MMP17: variants seen among roughly 807,000 people sequenced by gnomAD.
MMP17 encodes matrix metalloproteinase-17.
A neutral mutation model predicts 49.1 loss-of-function variants in MMP17; 54 were observed. That is an observed-to-expected ratio of 1.10 (90% CI 0.88 to 1.38). MMP17 has a LOEUF of 1.38. MMP17 is among the 40% of genes most tolerant of loss of function. The pLI is 0.00. For synonymous variants in MMP17, 397 were observed against 383.1 expected (o/e 1.04, Z -0.42); for missense variants, 837 against 853.7 (o/e 0.98, Z 0.24).
At chr12:131,845,811 T>C (rs1887676973) in intron 8 of MMP17, among the ~76,000 whole-genome samples, 1 of 152,014 alleles carries the variant, frequency 6.6e-6, no homozygotes, top group African/African-American at 2.4e-5. Flanking sequence ...AAGCAGAAAC[T>C]AGGGAACAGT....
At chr12:131,836,482 T>C (rs1887090529) in intron 1 of MMP17, among the ~76,000 whole-genome samples, 2 of 151,812 alleles carry the variant, frequency 1.3e-5, no homozygotes, top group Non-Finnish European at 2.9e-5. Context: ...TTTCCTTTTT[T>C]TTTTTTTTAG....
At chr12:131,832,540 C>T (rs991234029) in intron 1 of MMP17, among the ~76,000 whole-genome samples, 13 of 152,126 alleles carry the variant, frequency 8.5e-5, no homozygotes, top group African/African-American at 2.7e-4. Flanking sequence ...TGGCTGTGGA[C>T]GCAGGGCAGG....
rs540171749 is a variant in MMP17, at chr12:131,843,051, A to G, written c.884-946A>G. ...CACTCTGTCACCCAGGCTGGAGCGC[A>G]GTGGCGCGATCTCGGCTCGCTGCGA... On this transcript the variant is annotated intron_variant, in intron 5 of 9. Transcript: ENST00000360564. Among the ~76,000 whole-genome samples, 260 of 151,978 alleles carry G rather than the reference A, an allele frequency of 1.7e-3. No homozygotes were observed. In the Middle Eastern group the frequency reaches 0.027, roughly 16 times the overall value.
chr12:131,835,525 C>T (rs1887040701), intron 1 of MMP17, among the ~76,000 whole-genome samples: 1 of 152,234 alleles, frequency 6.6e-6, no homozygotes, highest in African/African-American at 2.4e-5. Flanking sequence ...CCCCAAACCG[C>T]CACCGTGAAC....
chr12:131,844,011 G>C lies in MMP17; in HGVS notation c.898G>C (p.Val300Leu). ...VWQLYGVRES[V>L]SPTAQPEEPP... ...GTCTCCCGCAGGTGTGCGGGAGTCT[G>C]TGTCTCCCACGGCGCAGCCCGAGGA... Residue 300 changes from valine (V) to leucine (L), a missense_variant, in exon 6 of 10, where the codon GTG becomes CTG. By Grantham distance (32) the Val-to-Leu change is conservative. Transcript: ENST00000360564. 1.3e-6 allele frequency: 2 copies of C among 1,563,962 alleles called. No homozygotes were observed. The highest frequency in any genetic ancestry group is 1.7e-6 in the Non-Finnish European group (2 of 1,156,156).
chr12:131,851,196 G>T lies in MMP17; in HGVS notation c.1734G>T (p.Val578=). 1 of 1,462,428 alleles carries T rather than the reference G, an allele frequency of 6.8e-7. No individual in the cohort carries two copies. Among genetic ancestry groups the T allele is most frequent in the Non-Finnish European group, 9.0e-7 (1 of 1,105,054 alleles). 90.6% of individuals were successfully genotyped at this position (1,462,428 alleles called of 1,614,324 possible). The change falls in exon 10 of 10, where the codon GTG becomes GTT. Residue 578 remains valine (V), a synonymous_variant. Coordinates refer to ENST00000360564, the MANE Select transcript of MMP17 (RefSeq NM_016155.7). ...CCCCGGGGGCCCCAGGCCCACTGGTGGCTGCCACCATGCTGCTGCTGCTGC... is the reference window on the plus strand; with the variant it reads ...CCCCGGGGGCCCCAGGCCCACTGGTTGCTGCCACCATGCTGCTGCTGCTGC... ...SSPPGAPGPL[V]AATMLLLLPP...
intron 1 of MMP17, among the ~76,000 whole-genome samples, chr12:131,834,864 T>G (rs1001882905): frequency 6.6e-6 from 1 of 152,152 alleles, no homozygotes; most frequent in African/African-American, 2.4e-5. Flanking sequence ...CCTGGTGAGC[T>G]GCCTGCCGCC....
chr12:131,829,772 G>C (rs1464558400), intron 1 of MMP17, among the ~76,000 whole-genome samples: 1 of 152,262 alleles, frequency 6.6e-6, no homozygotes, highest in Non-Finnish European at 1.5e-5. Flanking sequence ...CGCAGCCCCT[G>C]TGGTTGGCAG....
At position 131,849,827 on chromosome 12, in the gene MMP17, C is replaced by T; in HGVS notation, c.1230C>T (p.Asp410=). ...FKGDRYWVFK[D]NNVEEGYPRP... ...GAGACAGGTACTGGGTGTTCAAGGA[C>T]AATAACGTAGAGGAAGGATACCCGC... is the stretch of plus-strand genomic sequence containing the variant. The change falls in exon 9 of 10, where the codon GAC becomes GAT. Residue 410 remains aspartate, a synonymous_variant. Transcript: ENST00000360564. 1 of 1,613,794 alleles carries T rather than the reference C, an allele frequency of 6.2e-7. No individual in the cohort carries two copies.
At chr12:131,831,769 G>C (rs543625863) in intron 1 of MMP17, among the ~76,000 whole-genome samples, 1 of 135,280 alleles carries the variant, frequency 7.4e-6, no homozygotes, top group Non-Finnish European at 1.6e-5. Flanking sequence ...GCTGCCGTGC[G>C]ATCAGCGGAG....
At chr12:131,831,193 C>A (rs899911592) in intron 1 of MMP17, among the ~76,000 whole-genome samples, 1 of 152,236 alleles carries the variant, frequency 6.6e-6, no homozygotes, top group Non-Finnish European at 1.5e-5. Flanking sequence ...GAGAGTGTCT[C>A]GGGATCTGGG....
chr12:131,841,658 C>G lies in MMP17; in HGVS notation c.741C>G (p.Val247=). The G allele has an allele frequency of 1.9e-6, 3 of 1,614,092 alleles. 1 individual carries two copies. The highest frequency in any genetic ancestry group is 2.2e-5 in the East Asian group (1 of 44,878). The change falls in exon 5 of 10, where the codon GTC becomes GTG. Residue 247 remains valine (V), a synonymous_variant. Coordinates refer to ENST00000360564, the MANE Select transcript of MMP17 (RefSeq NM_016155.7). ...AHGMDLFAVA[V]HEFGHAIGLS... ...GGATGGACCTGTTTGCAGTGGCTGT[C>G]CACGAGTTTGGCCACGCCATTGGGT... is the stretch of plus-strand genomic sequence containing the variant.
Position 131,840,655 on chromosome 12 carries a change from G to A in MMP17, c.505G>A (p.Asp169Asn), listed in dbSNP as rs373637104. Reference protein sequence around the residue: ...LMYYALKVWSDIAPLNFHEVA... With the variant: ...LMYYALKVWSNIAPLNFHEVA... ...GTACTACGCCCTCAAGGTCTGGAGC[G>A]ACATTGCGCCCCTGAACTTCCACGA... The change falls in exon 4 of 10, where the codon GAC becomes AAC. Residue 169 changes from aspartate (D) to asparagine (N), a missense_variant. Asp to Asn is a conservative substitution (Grantham distance 23). Transcript: ENST00000360564. 55 of 1,608,786 alleles carry A rather than the reference G, an allele frequency of 3.4e-5. No homozygotes were observed. The highest frequency in any genetic ancestry group is 1.6e-4 in the Middle Eastern group (1 of 6,084).
At chr12:131,847,622 C>T (rs987216979) in intron 8 of MMP17, among the ~76,000 whole-genome samples, 1 of 152,228 alleles carries the variant, frequency 6.6e-6, no homozygotes, top group Non-Finnish European at 1.5e-5. Context: ...AGGCCGCTTC[C>T]CCCAGGTGGA....
At chr12:131,850,125 AC>A in intron 9 of MMP17, 66 bp downstream of exon 9, 1 of 1,504,804 alleles carries the variant, frequency 6.6e-7, no homozygotes, top group Non-Finnish European at 8.9e-7. Flanking sequence ...GGGCATCACT[AC>A]AGGGCAGCCA....
intron 1 of MMP17, among the ~76,000 whole-genome samples, chr12:131,832,071 G>C (rs574091355): frequency 1.4e-3 from 5 of 3,496 alleles, no homozygotes; most frequent in Non-Finnish European, 1.2e-3. Context: ...AGGGAAGGGG[G>C]AAGGCTGGAG....
At chr12:131,833,894 A>G (rs1349832999) in intron 1 of MMP17, among the ~76,000 whole-genome samples, 1 of 152,114 alleles carries the variant, frequency 6.6e-6, no homozygotes, top group African/African-American at 2.4e-5. Flanking sequence ...CGGGGCCTGC[A>G]CTCCATAAAC....
chr12:131,840,955 A>G (rs1887375645), intron 4 of MMP17, 99 bp downstream of exon 4: 18 of 1,356,446 alleles, frequency 1.3e-5, no homozygotes, highest in Non-Finnish European at 1.8e-5. Flanking sequence ...CTGCGGCTGA[A>G]AACACACGCG....
rs924307120 is a variant in MMP17 at position 131,851,398 on chromosome 12, G to A, written c.*124G>A. The A allele has an allele frequency of 2.4e-5, 22 of 921,044 alleles. No individual in the cohort carries two copies. The highest frequency in any genetic ancestry group is 3.5e-5 in the African/African-American group (2 of 57,844). 57.1% of individuals were successfully genotyped at this position (921,044 alleles called of 1,614,324 possible). Reference sequence around the variant, plus strand: ...GATGAGGACGGGCCACCCTGGCACCGGAAGGCCAGCAGAGGGCACTGTCCG... The same window carrying A: ...GATGAGGACGGGCCACCCTGGCACCAGAAGGCCAGCAGAGGGCACTGTCCG... On this transcript the variant is annotated 3_prime_UTR_variant, in exon 10 of 10. Coordinates refer to ENST00000360564, the MANE Select transcript of MMP17 (RefSeq NM_016155.7).
Sources: allele counts gnomAD v4.1 joint callset (sites outside exome capture counted in the v4.1 genomes callset), GRCh38; gene constraint gnomAD v4.1.1; transcripts MANE v1.5; gene names NCBI Gene and HGNC (gene_info 2026-07-23, HGNC 2026-07-21).